CMKLR2: variants seen among roughly 807,000 people sequenced by gnomAD.
CMKLR2 encodes the protein chemerin chemokine-like receptor 2, also known as chemerin-like receptor 2.
CMKLR2 carries 18 observed loss-of-function variants against 23.0 expected under a neutral mutation model. The ratio of observed to expected loss-of-function variants is 0.78; its 90% CI spans 0.54 to 1.16. The LOEUF is 1.16. Ranked by LOEUF, CMKLR2 falls within the 50% of genes most tolerant of loss-of-function variation. CMKLR2 has a pLI of 0.00. For synonymous variants in CMKLR2, 158 were observed against 158.9 expected (o/e 0.99, Z 0.05); for missense variants, 401 against 412.7 (o/e 0.97, Z 0.25).
At chr2:206,201,689 T>C (rs193289274) in intron 1 of CMKLR2, among the ~76,000 whole-genome samples, 3 of 152,084 alleles carry the variant, frequency 2.0e-5, no homozygotes, top group South Asian at 2.1e-4. Context: ...CCTTGGGCTG[T>C]CTTAATAGAA....
At chr2:206,204,289 G>C (rs944506474) in intron 1 of CMKLR2, among the ~76,000 whole-genome samples, 10 of 145,900 alleles carry the variant, frequency 6.9e-5, no homozygotes, top group African/African-American at 2.5e-4. Context: ...GGGAGGCGGA[G>C]CTTACAGTGA....
intron 1 of CMKLR2, among the ~76,000 whole-genome samples, chr2:206,213,047 G>A (rs578211467): frequency 6.6e-6 from 1 of 152,286 alleles, no homozygotes; most frequent in South Asian, 2.1e-4. Context: ...CCAGCAACAT[G>A]CTCATTTTCT....
intron 1 of CMKLR2, among the ~76,000 whole-genome samples, chr2:206,180,635 T>C (rs1576035303): frequency 6.6e-6 from 1 of 152,080 alleles, no homozygotes; most frequent in Middle Eastern, 3.4e-3. Context: ...GGTCTTGTTA[T>C]GTTGCCCAGG....
At chr2:206,191,033 T>C (rs533221826) in intron 1 of CMKLR2, among the ~76,000 whole-genome samples, 2 of 152,312 alleles carry the variant, frequency 1.3e-5, no homozygotes, top group South Asian at 2.1e-4. Flanking sequence ...TAGGCTTAAT[T>C]CCTTTGCAAG....
At chr2:206,210,420 C>T (rs1206208999) in intron 1 of CMKLR2, among the ~76,000 whole-genome samples, 1 of 151,398 alleles carries the variant, frequency 6.6e-6, no homozygotes, top group Admixed American at 6.6e-5. Flanking sequence ...TAGGTTGATT[C>T]CAGGTCTTTG....
chr2:206,215,807 A>G (rs888875974), upstream of CMKLR2, among the ~76,000 whole-genome samples: 3 of 152,194 alleles, frequency 2.0e-5, no homozygotes, highest in Admixed American at 6.5e-5. Context: ...CATTAAGGGT[A>G]TAGTAGATAC....
chr2:206,192,638 T>C (rs1688791733), intron 1 of CMKLR2, among the ~76,000 whole-genome samples: 1 of 151,964 alleles, frequency 6.6e-6, no homozygotes, highest in Non-Finnish European at 1.5e-5. Context: ...TTTTTTTTTC[T>C]ATTTCATAAA....
intron 1 of CMKLR2, among the ~76,000 whole-genome samples, chr2:206,198,282 G>A (rs193096115): frequency 6.6e-6 from 1 of 152,280 alleles, no homozygotes; most frequent in East Asian, 1.9e-4. Flanking sequence ...TGGCAGTCCT[G>A]TGTGCTGAAA....
chr2:206,188,202 G>A (rs2105811248), intron 1 of CMKLR2, among the ~76,000 whole-genome samples: 1 of 152,264 alleles, frequency 6.6e-6, no homozygotes, highest in East Asian at 1.9e-4. Flanking sequence ...CCAAAATGCT[G>A]GGATTACAGG....
At chr2:206,211,824 G>A (rs1357039684) in intron 1 of CMKLR2, among the ~76,000 whole-genome samples, 3 of 113,312 alleles carry the variant, frequency 2.6e-5, no homozygotes, top group Non-Finnish European at 5.2e-5. Flanking sequence ...ACCCATCTGA[G>A]TCACTTTTTT....
At chr2:206,187,989 C>A (rs1338349317) in intron 1 of CMKLR2, among the ~76,000 whole-genome samples, 1 of 152,144 alleles carries the variant, frequency 6.6e-6, no homozygotes, top group Non-Finnish European at 1.5e-5. Context: ...CCTCCACCTC[C>A]CAGATTCAAG....
rs143637619 is a variant in CMKLR2 at position 206,208,810 on chromosome 2, A to G, written c.-29+4497T>C. ...CTCAGCTCCCTAAGTAGCTGGGACT[A>G]CAGGCATGCACTACCATGCCTGGCT... On this transcript the variant is annotated intron_variant, in intron 1 of 1. Coordinates refer to ENST00000621141, the MANE Select transcript of CMKLR2 (RefSeq NM_001389445.1). 5.1e-3 allele frequency among the ~76,000 whole-genome samples: 777 copies of G among 151,978 alleles called. 6 individuals carry two copies. The highest frequency in any genetic ancestry group is 0.018 in the African/African-American group (744 of 41,448).
chr2:206,208,509 G>C (rs1426323512), intron 1 of CMKLR2, among the ~76,000 whole-genome samples: 3 of 152,022 alleles, frequency 2.0e-5, no homozygotes, highest in African/African-American at 7.3e-5. Flanking sequence ...ACTCCAGCCT[G>C]GGCAACAGAG....
chr2:206,194,324 A>G (rs754155719), intron 1 of CMKLR2, among the ~76,000 whole-genome samples: 1 of 152,198 alleles, frequency 6.6e-6, no homozygotes, highest in African/African-American at 2.4e-5. Flanking sequence ...GGAGATACAA[A>G]GGAGTATAGG....
At position 206,202,461 on chromosome 2, in the gene CMKLR2, T is replaced by G. The variant is rs535861855; in HGVS notation, c.-29+10846A>C. 3.9e-5 allele frequency among the ~76,000 whole-genome samples: 6 copies of G among 152,238 alleles called. No individual in the cohort carries two copies. The East Asian group carries it at 1.2e-3, about 29-fold the overall frequency. On this transcript the variant is annotated intron_variant, in intron 1 of 1. Transcript: ENST00000621141. ...ATCACAGCCTTGGTTTTGTGTGTGTTTTTTCCCTTTGTTTTTAAAAGACAG... is the reference window on the plus strand; with the variant it reads ...ATCACAGCCTTGGTTTTGTGTGTGTGTTTTCCCTTTGTTTTTAAAAGACAG...
Position 206,176,279 on chromosome 2 carries a change from G to A in CMKLR2, c.969C>T (p.Leu323=). 6.2e-7 allele frequency: 1 copy of A among 1,614,146 alleles called. No homozygotes were observed. The highest frequency in any genetic ancestry group is 1.3e-5 in the African/African-American group (1 of 75,026). ...AGCTGACTTCCCACAGTGTGTACTT[G>A]AGTATCTCAGCAACTGAGGACCGGA... is the stretch of plus-strand genomic sequence containing the variant. ...ARFRSSVAEI[L]KYTLWEVSCS... Residue 323 remains leucine, a synonymous_variant, in exon 2 of 2, where the codon CTC becomes CTT. Transcript: ENST00000621141.
intron 1 of CMKLR2, among the ~76,000 whole-genome samples, chr2:206,209,928 G>A (rs1187368820): frequency 1.3e-5 from 2 of 149,444 alleles, no homozygotes; most frequent in Non-Finnish European, 3.0e-5. Flanking sequence ...GATTACAGGC[G>A]TGAGCCACTG....
At position 206,176,878 on chromosome 2, in the gene CMKLR2, T is replaced by G; in HGVS notation, c.370A>C (p.Ser124Arg). The G allele has an allele frequency of 6.2e-7, 1 of 1,614,158 alleles. No homozygotes were observed. The highest frequency in any genetic ancestry group is 8.5e-7 in the Non-Finnish European group (1 of 1,180,036). ...SFTAQLNMFA[S>R]VFFLTVISLD... The stretch of plus-strand genomic sequence containing the variant: ...CTGATCACTGTCAGGAAAAAAACAC[T>G]GGCAAACATGTTCAACTGGGCAGTG... The change falls in exon 2 of 2, where the codon AGT becomes CGT. Residue 124 changes from serine (S) to arginine (R), a missense_variant. Transcript: ENST00000621141.
At chr2:206,192,347 A>G (rs1413234719) in intron 1 of CMKLR2, among the ~76,000 whole-genome samples, 1 of 149,518 alleles carries the variant, frequency 6.7e-6, no homozygotes, top group Admixed American at 6.6e-5. Context: ...ATTTTATAAA[A>G]TAAATTTTAT....
Sources: allele counts gnomAD v4.1 joint callset (sites outside exome capture counted in the v4.1 genomes callset), GRCh38; gene constraint gnomAD v4.1.1; transcripts MANE v1.5; gene names NCBI Gene and HGNC (gene_info 2026-07-23, HGNC 2026-07-21).